The following CNTN5 variants were observed in gnomAD, a reference collection of about 807,000 sequenced individuals.
CNTN5 encodes contactin 5, also known as contactin-5.
In CNTN5, 77 loss-of-function variants were observed where a neutral mutation model predicts 129.1. The ratio of observed to expected loss-of-function variants is 0.60; its 90% confidence interval spans 0.50 to 0.72. The LOEUF (loss-of-function observed/expected upper bound fraction) is 0.72, where lower values mean the gene tolerates loss of function less well. CNTN5 is among the 30% of genes least tolerant of loss of function. The pLI is 0.00. For missense variants in CNTN5, 1,478 were observed against 1,328.8 expected (o/e 1.11, Z -1.75); for synonymous variants, 509 against 465.6 (o/e 1.09, Z -1.20).
At chr11:99,532,544 T>C (rs12362252) in intron 2 of CNTN5, among the ~76,000 whole-genome samples, 1 of 152,118 alleles carries the variant, frequency 6.6e-6, no homozygotes, top group Non-Finnish European at 1.5e-5. Context: ...CACTCAAATC[T>C]CAACTTGAAT....
chr11:99,285,593 GA>G lies in CNTN5; in HGVS notation c.-209-39740del, dbSNP rs55945633. Among the ~76,000 whole-genome samples the G allele has an allele frequency of 1.3e-3, 177 of 134,376 alleles. 2 individuals carry two copies. The highest frequency in any genetic ancestry group is 4.8e-3 in the South Asian group (21 of 4,348). 88.2% of individuals were successfully genotyped at this position (134,376 alleles called of 152,430 possible). A position where few individuals can be genotyped will look rare whatever the true frequency, so the allele number is the denominator to read the frequency against. On this transcript the variant is annotated intron_variant, in intron 1 of 24. Coordinates refer to ENST00000524871, the MANE Select transcript of CNTN5 (RefSeq NM_014361.4). ...GGAGGAGAAGAACATTCAAGTTAAA[GA>G]AAAAAAAAAAAAGAAATGAAGATTC...
intron 2 of CNTN5, among the ~76,000 whole-genome samples, chr11:99,523,370 G>A (rs1467507503): frequency 2.6e-5 from 4 of 151,998 alleles, no homozygotes; most frequent in African/African-American, 7.3e-5. Context: ...TGAGAGGGGC[G>A]GATCCCTTGA....
At chr11:99,465,874 C>CTTTTTTT (rs35950728) in intron 2 of CNTN5, among the ~76,000 whole-genome samples, 1 of 106,416 alleles carries the variant, frequency 9.4e-6, no homozygotes, top group Non-Finnish European at 1.8e-5. Flanking sequence ...TGCCACACAC[C>CTTTTTTT]TTTTTTTTTT....
intron 16 of CNTN5, among the ~76,000 whole-genome samples, chr11:100,236,576 G>C (rs1314762197): frequency 6.6e-6 from 1 of 152,080 alleles, no homozygotes; most frequent in African/African-American, 2.4e-5. Context: ...AACAATTTGG[G>C]TTTTTCTCCC....
At chr11:99,289,776 T>C (rs2135915395) in intron 1 of CNTN5, among the ~76,000 whole-genome samples, 1 of 151,920 alleles carries the variant, frequency 6.6e-6, no homozygotes, top group Non-Finnish European at 1.5e-5. Context: ...TTTACCTGGC[T>C]ATGAATGATT....
At chr11:99,191,509 C>T (rs1858641778) in intron 1 of CNTN5, among the ~76,000 whole-genome samples, 1 of 151,664 alleles carries the variant, frequency 6.6e-6, no homozygotes, top group Non-Finnish European at 1.5e-5. Context: ...CCATACAACC[C>T]CTGGAGAATC....
rs115675110 is a variant in CNTN5 at position 99,881,075 on chromosome 11, C to T, written c.578-34979C>T. 1.6e-3 allele frequency among the ~76,000 whole-genome samples: 242 copies of T among 152,276 alleles called. 1 individual carries two copies. The highest frequency in any genetic ancestry group is 5.7e-3 in the African/African-American group (236 of 41,562). ...AAACTGGCAGCAATTATTTAGCACA[C>T]ATCTATGATTTATTGGAAATTCAGA... is the stretch of plus-strand genomic sequence containing the variant. On this transcript the variant is annotated intron_variant, in intron 6 of 24. Coordinates refer to ENST00000524871, the MANE Select transcript of CNTN5 (RefSeq NM_014361.4).
chr11:99,136,084 T>G (rs1859203241), intron 1 of CNTN5, among the ~76,000 whole-genome samples: 1 of 152,174 alleles, frequency 6.6e-6, no homozygotes, highest in East Asian at 1.9e-4. Context: ...TTTGCCTTCT[T>G]CTTGTCATTT....
chr11:99,692,592 G>A (rs1170489780), intron 3 of CNTN5, among the ~76,000 whole-genome samples: 2 of 152,016 alleles, frequency 1.3e-5, no homozygotes, highest in Non-Finnish European at 2.9e-5. Flanking sequence ...GGTTTCCACT[G>A]AGAGGTCCAC....
chr11:99,635,221 A>T (rs1480049334), intron 3 of CNTN5, among the ~76,000 whole-genome samples: 3 of 152,228 alleles, frequency 2.0e-5, no homozygotes, highest in African/African-American at 7.2e-5. Context: ...TGAAAATTAC[A>T]GAGTGTTCTG....
intron 6 of CNTN5, among the ~76,000 whole-genome samples, chr11:99,907,260 G>A (rs1209832643): frequency 1.3e-5 from 2 of 152,048 alleles, no homozygotes; most frequent in African/African-American, 4.8e-5. Flanking sequence ...TGGGCATTTA[G>A]TGATATTGAT....
At chr11:99,431,701 G>A (rs1332203411) in intron 2 of CNTN5, among the ~76,000 whole-genome samples, 1 of 152,112 alleles carries the variant, frequency 6.6e-6, no homozygotes, top group Non-Finnish European at 1.5e-5. Flanking sequence ...GAGACAGGAG[G>A]TCTTAATCAA....
chr11:99,226,431 C>T (rs58769977), intron 1 of CNTN5, among the ~76,000 whole-genome samples: 2,645 of 152,258 alleles, frequency 0.017, 39 homozygotes, highest in African/African-American at 0.038. Context: ...AGTCAGTGCA[C>T]ATTCTTACCA....
chr11:99,462,350 C>CTTTTTTTTT (rs1565202161), intron 2 of CNTN5, among the ~76,000 whole-genome samples: 1 of 109,544 alleles, frequency 9.1e-6, no homozygotes, highest in Non-Finnish European at 1.8e-5. Flanking sequence ...TTCTTTTTTT[C>CTTTTTTTTT]TTTTCTTTTC....
chr11:99,202,822 T>A (rs901972180), intron 1 of CNTN5, among the ~76,000 whole-genome samples: 5 of 151,448 alleles, frequency 3.3e-5, no homozygotes, highest in African/African-American at 9.7e-5. Context: ...TAAATGCCAT[T>A]GAATACTTCT....
At chr11:99,316,933 G>A (rs556604855) in intron 1 of CNTN5, among the ~76,000 whole-genome samples, 123 of 152,218 alleles carry the variant, frequency 8.1e-4, no homozygotes, top group African/African-American at 2.4e-3. Context: ...GTACCTTCCT[G>A]ACATTTGTAC....
intron 9 of CNTN5, among the ~76,000 whole-genome samples, chr11:100,018,031 A>G (rs2137550124): frequency 6.6e-6 from 1 of 152,138 alleles, no homozygotes; most frequent in East Asian, 1.9e-4. Flanking sequence ...ATATTCTAAT[A>G]CATTTTCCGT....
intron 3 of CNTN5, among the ~76,000 whole-genome samples, chr11:99,577,063 C>T (rs111654236): frequency 3.6e-4 from 55 of 152,142 alleles, no homozygotes; most frequent in Admixed American, 6.5e-4. Flanking sequence ...ATCAAAGTTT[C>T]GGTAGAGGTC....
At chr11:99,991,066 C>T (rs1939057589) in intron 8 of CNTN5, among the ~76,000 whole-genome samples, 1 of 152,164 alleles carries the variant, frequency 6.6e-6, no homozygotes, top group Admixed American at 6.5e-5. Context: ...ATATCTTTTG[C>T]CCTGTCTAGT....
Sources: allele counts gnomAD v4.1 joint callset (sites outside exome capture counted in the v4.1 genomes callset), GRCh38; gene constraint gnomAD v4.1.1; transcripts MANE v1.5; gene names NCBI Gene and HGNC (gene_info 2026-07-23, HGNC 2026-07-21).